The following ZFYVE26 variants were observed in gnomAD, a reference collection of about 807,000 sequenced individuals.
ZFYVE26 encodes the protein zinc finger FYVE-type containing 26.
A neutral mutation model predicts 276.5 loss-of-function variants in ZFYVE26; 181 were observed. That is an observed-to-expected ratio of 0.65 (90% CI 0.58 to 0.74). ZFYVE26 has a LOEUF of 0.74. Among genes scored for constraint, ZFYVE26 ranks in the 30% least tolerant of loss-of-function variants. The probability of loss-of-function intolerance (pLI) is 0.00; values close to 1 mark genes in which losing one functional copy is unlikely to be tolerated. For synonymous variants in ZFYVE26, 1,129 were observed against 1,203.1 expected (o/e 0.94, Z 1.27); for missense variants, 2,821 against 3,097.9 (o/e 0.91, Z 2.12).
chr14:67,815,376 C>T (rs1298065477), intron 2 of ZFYVE26, among the ~76,000 whole-genome samples: 2 of 152,126 alleles, frequency 1.3e-5, no homozygotes, highest in Non-Finnish European at 2.9e-5. Flanking sequence ...TGTGAGACTG[C>T]AATTATTTCG....
Position 67,790,774 on chromosome 14 carries a change from C to G in ZFYVE26, c.2554-1G>C, listed in dbSNP as rs760559263. On this transcript the variant is annotated splice_acceptor_variant, in intron 14 of 41. Transcript: ENST00000347230. LOFTEE classifies it high-confidence loss of function. ...ACTTCAGGTTGAACGTGAACAGCAC[C>G]TGTCATAGGAGAGGGAGTGTGTGGG... The G allele has an allele frequency of 2.9e-5, 47 of 1,613,866 alleles. No homozygotes were observed. Among genetic ancestry groups the G allele is most frequent in the Non-Finnish European group, 3.9e-5 (46 of 1,179,872 alleles).
intron 13 of ZFYVE26, among the ~76,000 whole-genome samples, chr14:67,734,720 A>T (rs1427001755): frequency 2.0e-5 from 3 of 152,126 alleles, no homozygotes; most frequent in Non-Finnish European, 4.4e-5. Flanking sequence ...AAAGGAAAGG[A>T]TTTTACTCCC....
Position 67,797,671 on chromosome 14 carries a change from C to G in ZFYVE26, c.2332+1G>C. On this transcript the variant is annotated splice_donor_variant, in intron 12 of 41. Coordinates refer to ENST00000347230, the MANE Select transcript of ZFYVE26 (RefSeq NM_015346.4). LOFTEE classifies it high-confidence loss of function. ...GCATGGGAATGAGCTCTTCAGATTA[C>G]CTGCCTGGCTCCTTCTTGTCCGACG... 1.2e-6 allele frequency: 2 copies of G among 1,614,110 alleles called. No individual in the cohort carries two copies. Among genetic ancestry groups the G allele is most frequent in the Non-Finnish European group, 1.7e-6 (2 of 1,180,014 alleles).
downstream of ZFYVE26, among the ~76,000 whole-genome samples, chr14:67,746,360 T>C (rs1418425189): frequency 6.6e-6 from 1 of 151,920 alleles, no homozygotes; most frequent in Non-Finnish European, 1.5e-5. Context: ...ACATAGGAAA[T>C]GAGATAAATC....
chr14:67,756,574 T>TA (rs2038784689), intron 35 of ZFYVE26, among the ~76,000 whole-genome samples: 1 of 152,194 alleles, frequency 6.6e-6, no homozygotes, highest in Non-Finnish European at 1.5e-5. Context: ...AAAAGCCTTT[T>TA]AAAAATAATT....
chr14:67,729,315 G>A, exon 14 of ZFYVE26: 1 of 1,600,770 alleles, frequency 6.2e-7, no homozygotes, highest in Non-Finnish European at 8.5e-7. Flanking sequence ...CACGGGAGGG[G>A]GCGCAGACCA....
chr14:67,795,687 AAATTT>A (rs1486612285), intron 12 of ZFYVE26, among the ~76,000 whole-genome samples: 2 of 152,200 alleles, frequency 1.3e-5, no homozygotes, highest in African/African-American at 4.8e-5. Flanking sequence ...GATTCTCTAA[AAATTT>A]AATACTCCTG....
Position 67,805,555 on chromosome 14 carries a change from C to G in ZFYVE26, c.1081G>C (p.Glu361Gln). 1.2e-6 allele frequency: 2 copies of G among 1,614,212 alleles called. 1 individual carries two copies. Among genetic ancestry groups the G allele is most frequent in the South Asian group, 2.2e-5 (2 of 91,088 alleles). ...AGCAGGCAACTGAGGGGCCTGAATT[C>G]TCTATCAAGTAGGCAGCCAAGATTT... ...FPNLGCLLDREFRPLSCLLVL... is the reference protein window; with the variant it reads ...FPNLGCLLDRQFRPLSCLLVL... Residue 361 changes from glutamate (E) to glutamine (Q), a missense_variant, in exon 7 of 42, where the codon GAA (glutamate) becomes CAA (glutamine). By Grantham distance (29) the Glu-to-Gln change is conservative. Transcript: ENST00000347230.
chr14:67,788,518 T>C (rs1212432065), intron 16 of ZFYVE26, among the ~76,000 whole-genome samples: 2 of 152,340 alleles, frequency 1.3e-5, no homozygotes, highest in South Asian at 2.1e-4. Context: ...ATGCCCTGTG[T>C]AGCCACAGGG....
intron 14 of ZFYVE26, among the ~76,000 whole-genome samples, chr14:67,791,474 A>C (rs2039811332): frequency 1.3e-5 from 2 of 152,184 alleles, no homozygotes; most frequent in Non-Finnish European, 1.5e-5. Context: ...AAATAATCTC[A>C]GCTATATAAA....
At chr14:67,758,445 T>A (rs995310905) in intron 35 of ZFYVE26, among the ~76,000 whole-genome samples, 1 of 152,096 alleles carries the variant, frequency 6.6e-6, no homozygotes, top group Non-Finnish European at 1.5e-5. Context: ...GGTGCCTGAA[T>A]ATACAGATAA....
intron 28 of ZFYVE26, among the ~76,000 whole-genome samples, chr14:67,771,457 G>A (rs2039206885): frequency 1.3e-5 from 2 of 152,186 alleles, no homozygotes; most frequent in Non-Finnish European, 2.9e-5. Context: ...AGATGAGGAG[G>A]AAACAGACAC....
At chr14:67,783,624 A>C in intron 20 of ZFYVE26, 99 bp from the exon 21 acceptor site, 1 of 1,480,526 alleles carries the variant, frequency 6.8e-7, no homozygotes, top group Non-Finnish European at 9.2e-7. Flanking sequence ...AATGTAAATA[A>C]AAGTTCCTAA....
chr14:67,775,067 C>A lies in ZFYVE26; in HGVS notation c.5269G>T (p.Glu1757Ter). 6.2e-7 allele frequency: 1 copy of A among 1,613,060 alleles called. No homozygotes were observed. Among genetic ancestry groups the A allele is most frequent in the Non-Finnish European group, 8.5e-7 (1 of 1,179,720 alleles). The change falls in exon 27 of 42, where the codon GAG (glutamate) becomes TAG (stop). Residue 1757 changes from glutamate (E) to a stop codon, truncating the protein, a stop_gained. Coordinates refer to ENST00000347230, the MANE Select transcript of ZFYVE26 (RefSeq NM_015346.4). LOFTEE classifies it high-confidence loss of function. ...GCTGATGGTGATCTAGGGAGGGTCT[C>A]GGGATCTGCAGCCTGGTGGACAATT... ...QEIVHQAADP[E>*]TLPRSPSAEF...
chr14:67,748,356 G>C lies in ZFYVE26; in HGVS notation c.*80C>G, dbSNP rs2038540895. The C allele has an allele frequency of 6.8e-7, 1 of 1,480,312 alleles. No individual in the cohort carries two copies. Among genetic ancestry groups the C allele is most frequent in the Admixed American group, 1.8e-5 (1 of 55,564 alleles). The allele number at this position is 1,480,312 out of a possible 1,614,324, so 91.7% of individuals were successfully genotyped here. On this transcript the variant is annotated 3_prime_UTR_variant, in exon 42 of 42. Transcript: ENST00000347230. The stretch of plus-strand genomic sequence containing the variant: ...GAGCCAGAGAAGTCCCACTCCACTG[G>C]AGGAAAGAGGTGGAGGGCATCGCCA...
chr14:67,776,738 T>C (rs1378657338), intron 25 of ZFYVE26, among the ~76,000 whole-genome samples: 2 of 152,246 alleles, frequency 1.3e-5, no homozygotes, highest in African/African-American at 4.8e-5. Context: ...TCACTGACCC[T>C]GTTCACTGCC....
At chr14:67,796,838 G>C (rs1360629610) in intron 12 of ZFYVE26, 1 of 152,056 alleles carries the variant, frequency 6.6e-6, no homozygotes, top group Non-Finnish European at 1.5e-5. Flanking sequence ...TGTAATCCCA[G>C]CTACTCAGGA....
intron 3 of ZFYVE26, among the ~76,000 whole-genome samples, chr14:67,812,855 C>G (rs906266019): frequency 6.6e-6 from 1 of 152,168 alleles, no homozygotes; most frequent in Non-Finnish European, 1.5e-5. Flanking sequence ...ACTATAGTAA[C>G]TATAGGTTAC....
intron 16 of ZFYVE26, 57 bp from the exon 17 acceptor site, chr14:67,786,290 A>C (rs2039658308): frequency 1.4e-6 from 2 of 1,416,552 alleles, no homozygotes; most frequent in Non-Finnish European, 1.9e-6. Flanking sequence ...GTGTTTTCAG[A>C]GATTGACACT....
Sources: gnomAD v4.1 joint callset for allele counts (sites outside exome capture counted in the v4.1 genomes callset) on GRCh38, gnomAD v4.1.1 for gene constraint, MANE v1.5 for transcripts, NCBI Gene and HGNC (gene_info 2026-07-23, HGNC 2026-07-21) for gene names.